EFCAB5: variants seen among roughly 807,000 people sequenced by gnomAD.
EFCAB5 encodes the protein EF-hand calcium binding domain 5, also known as EF-hand calcium-binding domain-containing protein 5.
In EFCAB5, 131 loss-of-function variants were observed where a neutral mutation model predicts 167.9. The observed-to-expected ratio is 0.78, with a 90% CI of 0.68 to 0.90. The LOEUF is 0.90. Ranked by LOEUF, EFCAB5 falls within the 40% of genes least tolerant of loss-of-function variation. The pLI is 0.00. For missense variants in EFCAB5, 1,663 were observed against 1,745.2 expected, an observed-to-expected ratio of 0.95 and a Z score of 0.84; for synonymous variants, 574 against 602.8, an observed-to-expected ratio of 0.95 and a Z score of 0.70.
chr17:29,997,287 T>A (rs1001526761), intron 6 of EFCAB5, among the ~76,000 whole-genome samples: 1 of 151,832 alleles, frequency 6.6e-6, no homozygotes, highest in Non-Finnish European at 1.5e-5. Flanking sequence ...TGCACTGTAT[T>A]TCAATATATA....
intron 22 of EFCAB5, among the ~76,000 whole-genome samples, chr17:30,107,406 T>C (rs1192038535): frequency 6.6e-6 from 1 of 152,190 alleles, no homozygotes; most frequent in African/African-American, 2.4e-5. Context: ...TCGATCCCAC[T>C]GTCTTCTCGT....
intron 13 of EFCAB5, among the ~76,000 whole-genome samples, chr17:30,058,212 TGTGA>T (rs1282097072): frequency 1.3e-5 from 2 of 152,202 alleles, no homozygotes; most frequent in Non-Finnish European, 1.5e-5. Flanking sequence ...TTTGCCTGTG[TGTGA>T]GTGTCTTTAC....
chr17:30,077,388 T>C (rs1477971921), intron 14 of EFCAB5, among the ~76,000 whole-genome samples: 1 of 152,156 alleles, frequency 6.6e-6, no homozygotes, highest in East Asian at 1.9e-4. Context: ...TGCATGTGTG[T>C]GTGTGTATGT....
intron 7 of EFCAB5, among the ~76,000 whole-genome samples, chr17:30,014,289 G>A (rs545901951): frequency 1.3e-5 from 2 of 152,276 alleles, no homozygotes; most frequent in South Asian, 2.1e-4. Context: ...GTTGATTTGG[G>A]GTGGAGAGTT....
intron 17 of EFCAB5, 55 bp from the exon 18 acceptor site, chr17:30,082,836 T>C (rs1444987060): frequency 6.7e-6 from 10 of 1,502,478 alleles, no homozygotes; most frequent in Middle Eastern, 2.4e-4. Context: ...ACTATATTAC[T>C]AATTATTTTT....
At chr17:30,045,688 C>T (rs955484535) in intron 8 of EFCAB5, among the ~76,000 whole-genome samples, 2 of 151,702 alleles carry the variant, frequency 1.3e-5, no homozygotes, top group Non-Finnish European at 2.9e-5. Flanking sequence ...TGTAGTGAGA[C>T]CCCCTCTCTA....
At chr17:30,044,354 G>T (rs1048382986) in intron 8 of EFCAB5, among the ~76,000 whole-genome samples, 12 of 152,184 alleles carry the variant, frequency 7.9e-5, no homozygotes, top group African/African-American at 2.7e-4. Flanking sequence ...AAGGTGGGCA[G>T]ATCAGTTCAG....
At chr17:29,951,647 A>G (rs575125743) in intron 3 of EFCAB5, among the ~76,000 whole-genome samples, 27 of 151,896 alleles carry the variant, frequency 1.8e-4, no homozygotes, top group South Asian at 8.3e-4. Flanking sequence ...GAGCCACCGC[A>G]CCCAGCCAGG....
At chr17:30,055,349 G>GAAGGAAGA (rs2070226284) in intron 10 of EFCAB5, among the ~76,000 whole-genome samples, 1 of 150,442 alleles carries the variant, frequency 6.6e-6, no homozygotes, top group African/African-American at 2.4e-5. Flanking sequence ...AGGAAGGAAG[G>GAAGGAAGA]AAGGAAGGAA....
intron 4 of EFCAB5, among the ~76,000 whole-genome samples, chr17:29,985,246 T>C (rs2068256343): frequency 6.6e-6 from 1 of 152,156 alleles, no homozygotes; most frequent in African/African-American, 2.4e-5. Context: ...ACTTCAGCAG[T>C]GGCTGGCAAA....
At chr17:30,088,202 A>C (rs2071126205) in intron 19 of EFCAB5, among the ~76,000 whole-genome samples, 1 of 152,096 alleles carries the variant, frequency 6.6e-6, no homozygotes, top group South Asian at 2.1e-4. Context: ...AGCTCATGGC[A>C]GTCTCAAACT....
At chr17:29,937,141 C>A (rs1414298661), upstream of EFCAB5, among the ~76,000 whole-genome samples, 1 of 152,142 alleles carries the variant, frequency 6.6e-6, no homozygotes, top group Non-Finnish European at 1.5e-5. Context: ...TCTTCACAGG[C>A]CAAACAGGCA....
rs1480980897 is a variant in EFCAB5 at position 30,051,126 on chromosome 17, T to C, written c.1209T>C (p.Phe403=). The change falls in exon 9 of 23, where the codon TTT becomes TTC. Residue 403 remains phenylalanine (F), a synonymous_variant. Transcript: ENST00000394835. ...CTTTCTTCTTTGCTTAGGTAGGGTT[T>C]TTGGATCGGCAGAGGACATTGGCCC... is the stretch of plus-strand genomic sequence containing the variant. ...FLHCDHGKVG[F]LDRQRTLALL... The C allele has an allele frequency of 3.7e-6, 6 of 1,613,734 alleles. No homozygotes were observed. In the African/African-American group the frequency reaches 8.0e-5, roughly 22 times the overall value.
chr17:29,975,856 C>A (rs2068054809), intron 4 of EFCAB5, among the ~76,000 whole-genome samples: 1 of 152,072 alleles, frequency 6.6e-6, no homozygotes, highest in African/African-American at 2.4e-5. Flanking sequence ...TGAATCAGAA[C>A]CTCTAGGAAT....
chr17:30,107,357 G>T (rs993977700), intron 22 of EFCAB5, among the ~76,000 whole-genome samples: 1 of 151,930 alleles, frequency 6.6e-6, no homozygotes, highest in African/African-American at 2.4e-5. Flanking sequence ...ACTTTTTAAA[G>T]AAAACATTAT....
At chr17:29,974,976 G>T (rs912363470) in intron 4 of EFCAB5, among the ~76,000 whole-genome samples, 3 of 152,000 alleles carry the variant, frequency 2.0e-5, no homozygotes, top group African/African-American at 4.8e-5. Context: ...AGGATTACTT[G>T]AGGCCACGAG....
At chr17:29,939,182 A>G (rs981611996), upstream of EFCAB5, among the ~76,000 whole-genome samples, 2 of 152,232 alleles carry the variant, frequency 1.3e-5, no homozygotes, top group Non-Finnish European at 2.9e-5. Context: ...GTGACCAAGT[A>G]CACTGTCAAT....
intron 4 of EFCAB5, among the ~76,000 whole-genome samples, chr17:29,991,217 C>T (rs1420020475): frequency 2.0e-5 from 3 of 152,158 alleles, no homozygotes; most frequent in African/African-American, 7.2e-5. Context: ...ACTCCAGTGA[C>T]CCTTCGACCC....
Position 29,941,737 on chromosome 17 carries a change from T to C in EFCAB5, c.-60T>C. On this transcript the variant is annotated 5_prime_UTR_variant, in exon 1 of 23. Transcript: ENST00000394835. ...TTATTAATATTTTCTTTCTTTTTGT[T>C]ATTAATACTGGTCTAGTAATATTCT... 7.0e-7 allele frequency: 1 copy of C among 1,435,530 alleles called. No homozygotes were observed. The highest frequency in any genetic ancestry group is 9.5e-7 in the Non-Finnish European group (1 of 1,050,520). The allele number at this position is 1,435,530 out of a possible 1,614,324, so 88.9% of individuals were successfully genotyped here.
Sources: gnomAD v4.1 joint callset for allele counts (sites outside exome capture counted in the v4.1 genomes callset) on GRCh38, gnomAD v4.1.1 for gene constraint, MANE v1.5 for transcripts, NCBI Gene and HGNC (gene_info 2026-07-23, HGNC 2026-07-21) for gene names.